MYZAP: variants seen among roughly 807,000 people sequenced by gnomAD.
MYZAP encodes the protein GRINL1A complex locus upstream.
MYZAP carries 66 observed loss-of-function variants against 69.4 expected under a neutral mutation model. The ratio of observed to expected loss-of-function variants is 0.95; its 90% CI spans 0.78 to 1.17. MYZAP has a LOEUF of 1.17. MYZAP is among the 50% of genes most tolerant of loss of function. MYZAP has a pLI of 0.00. For synonymous variants in MYZAP, 256 were observed against 205.9 expected (o/e 1.24, Z -2.09); for missense variants, 611 against 556.2 (o/e 1.10, Z -0.99).
chr15:57,600,271 G>A (rs751346718), intron 1 of MYZAP, among the ~76,000 whole-genome samples: 6 of 152,188 alleles, frequency 3.9e-5, no homozygotes, highest in African/African-American at 2.4e-5. Flanking sequence ...AGAAAAACTA[G>A]CTTTGCTCCT....
intron 4 of MYZAP, 101 bp from the exon 5 acceptor site, chr15:57,625,678 A>C: frequency 3.0e-6 from 3 of 992,180 alleles, no homozygotes; most frequent in South Asian, 2.7e-5. Flanking sequence ...ATATTGTTGA[A>C]GTAGATGTGG....
At chr15:57,646,779 G>T (rs2037468584) in intron 10 of MYZAP, 1 of 985,304 alleles carries the variant, frequency 1.0e-6, no homozygotes, top group Non-Finnish European at 1.2e-6. Flanking sequence ...AGTTTAGCTT[G>T]CTTCTATCAC....
Position 57,629,710 on chromosome 15 carries a change from C to T in MYZAP, c.534C>T (p.Leu178=), listed in dbSNP as rs779044670. The T allele has an allele frequency of 2.0e-5, 32 of 1,608,376 alleles. No homozygotes were observed. The highest frequency in any genetic ancestry group is 7.8e-5 in the South Asian group (7 of 90,238). The part of the protein sequence containing the change: ...ASDSIGLQKT[L]VDVTLENSNI... ...TATTTTCATCCTCACAGAAAACCCT[C>T]GTGGATGTGACTTTGGAAAACAGCA... is the stretch of plus-strand genomic sequence containing the variant. The change falls in exon 6 of 13, where the codon CTC becomes CTT. Residue 178 remains leucine (L), a synonymous_variant. Coordinates refer to ENST00000267853, the MANE Select transcript of MYZAP (RefSeq NM_001018100.5).
chr15:57,659,020 A>C (rs1476897827), intron 10 of MYZAP, among the ~76,000 whole-genome samples: 24 of 152,190 alleles, frequency 1.6e-4, no homozygotes, highest in African/African-American at 5.5e-4. Context: ...CTCCTTTCCA[A>C]GTAAGGAGTT....
intron 8 of MYZAP, among the ~76,000 whole-genome samples, chr15:57,634,714 G>T (rs1351198420): frequency 1.3e-5 from 2 of 152,226 alleles, no homozygotes; most frequent in African/African-American, 2.4e-5. Context: ...AGAGCTCACT[G>T]GGTGCTTCGT....
At position 57,632,438 on chromosome 15, in the gene MYZAP, A is replaced by G. The variant is rs777079295; in HGVS notation, c.683A>G (p.Glu228Gly). The G allele has an allele frequency of 6.2e-7, 1 of 1,614,132 alleles. No homozygotes were observed. The highest frequency in any genetic ancestry group is 8.5e-7 in the Non-Finnish European group (1 of 1,180,004). The change falls in exon 7 of 13, where the codon GAA (glutamate) becomes GGA (glycine). Residue 228 changes from glutamate (E) to glycine (G), a missense_variant. Glu to Gly is a moderately conservative substitution (Grantham distance 98). Coordinates refer to ENST00000267853, the MANE Select transcript of MYZAP (RefSeq NM_001018100.5). ...VENQLLKMKV[E>G]SSQEANAEVM... The stretch of plus-strand genomic sequence containing the variant: ...CTGAAATGAGTCTCGTTGTAGGTGG[A>G]ATCGTCCCAAGAAGCCAATGCTGAG...
chr15:57,593,214 A>ACACACACACACACACACC (rs1172761785), intron 1 of MYZAP, among the ~76,000 whole-genome samples: 3,553 of 141,332 alleles, frequency 0.025, 81 homozygotes, highest in Middle Eastern at 0.063. Flanking sequence ...ACACACACAC[A>ACACACACACACACACACC]CCCCAGAATC....
rs142385314 is a variant in MYZAP at position 57,639,525 on chromosome 15, G to A, written c.1099G>A (p.Val367Ile). The A allele has an allele frequency of 2.3e-4, 374 of 1,614,010 alleles. 1 individual carries two copies. Among genetic ancestry groups the A allele is most frequent in the Middle Eastern group, 1.3e-3 (8 of 6,050 alleles). The change falls in exon 10 of 13, where the codon GTC (valine) becomes ATC (isoleucine). Residue 367 changes from valine (V) to isoleucine (I), a missense_variant. Coordinates refer to ENST00000267853, the MANE Select transcript of MYZAP (RefSeq NM_001018100.5). ...CATGGTGCATTGCCAGCAGAAGAAA[G>A]TCAAGCAGATGGTCGAGGAGGTAAG... ...DDMVHCQQKK[V>I]KQMVEEIESL...
chr15:57,647,562 G>A (rs764056271), intron 10 of MYZAP: 2 of 985,460 alleles, frequency 2.0e-6, no homozygotes, highest in Non-Finnish European at 2.4e-6. Context: ...TGTAAGTCCT[G>A]CTTTCAGGGT....
At chr15:57,618,246 A>G (rs935548) in intron 3 of MYZAP, 58 bp downstream of exon 3, 1,565,814 of 1,572,010 alleles carry the variant, frequency 1, 780,010 homozygotes, top group East Asian at 1. Context: ...CATGCAAGAG[A>G]ATGGAGTTGG....
Position 57,598,751 on chromosome 15 carries a change from G to A in MYZAP, c.76-5518G>A, listed in dbSNP as rs144749571. Among the ~76,000 whole-genome samples the A allele has an allele frequency of 1.3e-3, 202 of 152,264 alleles. 4 individuals are homozygous for A. In the East Asian group the frequency reaches 0.035, roughly 27 times the overall value. On this transcript the variant is annotated intron_variant, in intron 1 of 12. Transcript: ENST00000267853. ...CCCCTATCTGTTTGTCCATTTGCCT[G>A]TCCTACCCAGGCTTAGGCTGCAGGT...
At chr15:57,658,136 C>G (rs140162003) in intron 10 of MYZAP, among the ~76,000 whole-genome samples, 76 of 152,246 alleles carry the variant, frequency 5.0e-4, no homozygotes, top group Middle Eastern at 6.8e-3. Flanking sequence ...GCACACAGAA[C>G]AGAGAGAGTA....
Position 57,632,624 on chromosome 15 carries a change from G to A in MYZAP, c.804+65G>A, listed in dbSNP as rs565218354. ...TTGTTGGTTCATTATTGTTGGTGAT[G>A]TATACGTAGTAGTGTTTATTCTTAG... On this transcript the variant is annotated intron_variant, in intron 7 of 12. Coordinates refer to ENST00000267853, the MANE Select transcript of MYZAP (RefSeq NM_001018100.5). The A allele has an allele frequency of 7.1e-5, 114 of 1,597,320 alleles. No homozygotes were observed. The Middle Eastern group carries it at 8.3e-4, about 12-fold the overall frequency.
chr15:57,657,614 T>A (rs1027624751), intron 10 of MYZAP, among the ~76,000 whole-genome samples: 6 of 152,182 alleles, frequency 3.9e-5, no homozygotes, highest in Admixed American at 6.6e-5. Flanking sequence ...TTTCCTTTAG[T>A]GCTAGACATT....
At chr15:57,639,673 C>A in intron 10 of MYZAP, 128 bp downstream of exon 10, 1 of 1,027,274 alleles carries the variant, frequency 9.7e-7, no homozygotes, top group Non-Finnish European at 1.4e-6. Flanking sequence ...CCACTGCCAT[C>A]TAGGCCCAGA....
rs763965444 is a variant in MYZAP at position 57,633,570 on chromosome 15, G to A, written c.805-43G>A. ...TGATTGGATCCCGGTGAGTAGCCTC[G>A]GTACTCCATGCCTGTACTTAGGAGG... is the stretch of plus-strand genomic sequence containing the variant. On this transcript the variant is annotated intron_variant, in intron 7 of 12. Transcript: ENST00000267853. The A allele has an allele frequency of 1.5e-5, 24 of 1,573,854 alleles. No homozygotes were observed. In the East Asian group the frequency reaches 2.3e-4, roughly 15 times the overall value.
chr15:57,637,239 A>G (rs1188875807), intron 8 of MYZAP, among the ~76,000 whole-genome samples: 1 of 152,252 alleles, frequency 6.6e-6, no homozygotes, highest in East Asian at 1.9e-4. Flanking sequence ...TTGGAGGGCC[A>G]TGAATCTGAC....
chr15:57,668,552 A>T (rs182670834), intron 11 of MYZAP, among the ~76,000 whole-genome samples: 113 of 152,300 alleles, frequency 7.4e-4, no homozygotes, highest in Middle Eastern at 3.4e-3. Context: ...AAAGAAAATA[A>T]ATTGAGCCAT....
At chr15:57,605,928 G>A (rs1278430140) in intron 2 of MYZAP, among the ~76,000 whole-genome samples, 7 of 151,484 alleles carry the variant, frequency 4.6e-5, no homozygotes, top group Non-Finnish European at 8.8e-5. Flanking sequence ...ATAACACATC[G>A]AATATTAAAA....
Sources: allele counts gnomAD v4.1 joint callset (sites outside exome capture counted in the v4.1 genomes callset), GRCh38; gene constraint gnomAD v4.1.1; transcripts MANE v1.5; gene names NCBI Gene and HGNC (gene_info 2026-07-23, HGNC 2026-07-21).